Variants in AMER1 observed in about 807,000 individuals in gnomAD.
AMER1 encodes RP11-403E24.2.
A neutral mutation model predicts 53.0 loss-of-function variants in AMER1; 16 were observed. That is an observed-to-expected ratio of 0.30 (90% CI 0.20 to 0.46). AMER1 has a LOEUF of 0.46. Among genes scored for constraint, AMER1 ranks in the 20% least tolerant of loss-of-function variants. AMER1 has a pLI of 1.00. For synonymous variants in AMER1, 354 were observed against 331.9 expected, an observed-to-expected ratio of 1.07 and a Z score of -0.73; for missense variants, 947 against 884.9, an observed-to-expected ratio of 1.07 and a Z score of -0.89.
chrX:64,191,147 GATC>G lies in AMER1; in HGVS notation c.2137_2139del (p.Asp713del). The G allele has an allele frequency of 8.2e-7, 1 of 1,212,200 alleles. No homozygotes were observed. The highest frequency in any genetic ancestry group is 1.1e-6 in the Non-Finnish European group (1 of 895,664). On this transcript the variant is annotated inframe_deletion, in exon 2 of 2. Transcript: ENST00000374869. ...AAGAGCTGCATCAGGCAGGTACTTT[GATC>G]TTTCTTGGAGCAGGTTCCTTCATAA...
At chrX:64,201,987 C>T (rs1454256492) in intron 1 of AMER1, among the ~76,000 whole-genome samples, 1 of 111,860 alleles carries the variant, frequency 8.9e-6, no homozygotes, top group African/African-American at 3.3e-5. Flanking sequence ...CAGGTGCAAA[C>T]CACCACACCT....
In AMER1 at chrX:64,187,574, T is replaced by C. The variant is rs1930134988; in HGVS notation, c.*2305A>G. On this transcript the variant is annotated 3_prime_UTR_variant, in exon 2 of 2. Transcript: ENST00000374869. ...TCTTCCCAGATAGGCTGGTGGCCCT[T>C]CTCCAGCAGGGTCTGGAGGCTGGTG... 6.4e-6 allele frequency: 5 copies of C among 776,228 alleles called. No homozygotes were observed. The highest frequency in any genetic ancestry group is 7.7e-6 in the Non-Finnish European group (5 of 652,585). 64.0% of individuals were successfully genotyped at this position (776,228 alleles called of 1,213,427 possible).
rs954724465 is a variant in AMER1 at position 64,188,034 on chromosome X, G to A, written c.*1845C>T. On this transcript the variant is annotated 3_prime_UTR_variant, in exon 2 of 2. Transcript: ENST00000374869. ...CTGCTATTTGTGAGTAAGGGCACTG[G>A]GCCAACCCCAATCTGAGAAATGGTG... is the stretch of plus-strand genomic sequence containing the variant. 4 of 780,442 alleles carry A rather than the reference G, an allele frequency of 5.1e-6. No homozygotes were observed. Among genetic ancestry groups the A allele is most frequent in the Non-Finnish European group, 6.1e-6 (4 of 655,768 alleles). The allele number at this position is 780,442 out of a possible 1,213,427, so 64.3% of individuals were successfully genotyped here. A position where few individuals can be genotyped will look rare whatever the true frequency, so the allele number is the denominator to read the frequency against.
Position 64,186,750 on chromosome X carries a change from T to G in AMER1, c.*3129A>C, listed in dbSNP as rs1384612275. On this transcript the variant is annotated 3_prime_UTR_variant, in exon 2 of 2. Transcript: ENST00000374869. Reference sequence around the variant, plus strand: ...CTGAGGCCAGATAGGTAGGGCTGGCTTGAACTGGGCCCCAAGGCAGTGCTT... The same window carrying G: ...CTGAGGCCAGATAGGTAGGGCTGGCGTGAACTGGGCCCCAAGGCAGTGCTT... The G allele has an allele frequency of 1.3e-6, 1 of 773,701 alleles. No homozygotes were observed. The highest frequency in any genetic ancestry group is 2.3e-5 in the African/African-American group (1 of 43,850). The allele number at this position is 773,701 out of a possible 1,213,427, so 63.8% of individuals were successfully genotyped here. A position where few individuals can be genotyped will look rare whatever the true frequency, so the allele number is the denominator to read the frequency against.
Position 64,192,525 on chromosome X carries a change from G to A in AMER1, c.762C>T (p.Ala254=), listed in dbSNP as rs1441292406. The A allele has an allele frequency of 3.3e-6, 4 of 1,205,236 alleles. No homozygotes were observed. In the South Asian group the frequency reaches 7.2e-5, roughly 22 times the overall value. ...EPSPPATEKM[A]CKDPEKPMEA... ...CCATGGGTTTTTCTGGATCTTTACA[G>A]GCCATTTTCTCAGTAGCTGGTGGAG... Residue 254 remains alanine (A), a synonymous_variant, in exon 2 of 2, where the codon GCC becomes GCT. Transcript: ENST00000374869.
intron 1 of AMER1, among the ~76,000 whole-genome samples, chrX:64,204,405 T>C (rs1228166612): frequency 1.8e-5 from 2 of 113,972 alleles, no homozygotes; most frequent in Admixed American, 1.8e-4. Context: ...GCCTAGGCGC[T>C]TGGGCTGTGA....
At position 64,186,163 on chromosome X, in the gene AMER1, C is replaced by T. The variant is rs1930102553; in HGVS notation, c.*3716G>A. 3 of 1,208,179 alleles carry T rather than the reference C, an allele frequency of 2.5e-6. No individual in the cohort carries two copies. Among genetic ancestry groups the T allele is most frequent in the Middle Eastern group, 2.3e-4 (1 of 4,372 alleles). On this transcript the variant is annotated 3_prime_UTR_variant, in exon 2 of 2. Coordinates refer to ENST00000374869, the MANE Select transcript of AMER1 (RefSeq NM_152424.4). The stretch of plus-strand genomic sequence containing the variant: ...AGTCACTTGGCGTTTGTCTTCAGTA[C>T]CTGGGCATCTTCTGCTGTCCCTATC...
At position 64,190,274 on chromosome X, in the gene AMER1, G is replaced by T. The variant is rs1163517592; in HGVS notation, c.3013C>A (p.Leu1005Ile). 8.3e-7 allele frequency: 1 copy of T among 1,211,991 alleles called. No individual in the cohort carries two copies. The highest frequency in any genetic ancestry group is 1.7e-5 in the African/African-American group (1 of 57,901). ...CIPPMTMSISLSVPESRAPGE... is the reference protein window; with the variant it reads ...CIPPMTMSISISVPESRAPGE... Reference sequence around the variant, plus strand: ...GGTGCCCTTGACTCTGGCACTGATAGTGATATTGACATGGTCATAGGAGGT... The same window carrying T: ...GGTGCCCTTGACTCTGGCACTGATATTGATATTGACATGGTCATAGGAGGT... The change falls in exon 2 of 2, where the codon CTA (leucine) becomes ATA (isoleucine). Residue 1005 changes from leucine to isoleucine, a missense_variant. Transcript: ENST00000374869.
At chrX:64,196,909 C>A (rs759639183) in intron 1 of AMER1, among the ~76,000 whole-genome samples, 10 of 112,445 alleles carry the variant, frequency 8.9e-5, no homozygotes, top group African/African-American at 3.2e-4. Flanking sequence ...TGGTAGCTCC[C>A]TAGCGTAGCC....
rs1313482472 is a variant in AMER1 at position 64,190,192 on chromosome X, G to T, written c.3095C>A (p.Pro1032His). The T allele has an allele frequency of 2.5e-6, 3 of 1,208,096 alleles. No individual in the cohort carries two copies. The highest frequency in any genetic ancestry group is 3.0e-5 in the East Asian group (1 of 33,708). Reference sequence around the variant, plus strand: ...GGCCTGTGGCTGGAGGTTATAGCAAGGGCCCATGGGCAGGTGTAGGTGTGA... The same window carrying T: ...GGCCTGTGGCTGGAGGTTATAGCAATGGCCCATGGGCAGGTGTAGGTGTGA... ...RPSHLHLPMGPCYNLQPQASQ... is the reference protein window; with the variant it reads ...RPSHLHLPMGHCYNLQPQASQ... Residue 1032 changes from proline (P) to histidine (H), a missense_variant, in exon 2 of 2, where the codon CCT becomes CAT. Transcript: ENST00000374869.
intron 1 of AMER1, among the ~76,000 whole-genome samples, chrX:64,198,648 C>A (rs183565210): frequency 1.8e-5 from 2 of 111,762 alleles, no homozygotes; most frequent in African/African-American, 6.5e-5. Flanking sequence ...CTGTCCCAGC[C>A]CTGCTAAGCC....
chrX:64,191,582 A>T lies in AMER1; in HGVS notation c.1705T>A (p.Leu569Met), dbSNP rs779046656. 8.3e-7 allele frequency: 1 copy of T among 1,210,468 alleles called. No homozygotes were observed. The highest frequency in any genetic ancestry group is 1.7e-5 in the African/African-American group (1 of 57,306). ...TGCTCCCGCCGAAGCTCCCAATACA[A>T]CAACTGTTTCTGGATGGTCACTAGC... Reference protein sequence around the residue: ...ERLVTIQKQLLYWELRREQLE... With the variant: ...ERLVTIQKQLMYWELRREQLE... Residue 569 changes from leucine (L) to methionine (M), a missense_variant, in exon 2 of 2, where the codon TTG becomes ATG. Transcript: ENST00000374869.
At chrX:64,196,187 T>C (rs1199428688) in intron 1 of AMER1, among the ~76,000 whole-genome samples, 1 of 111,892 alleles carries the variant, frequency 8.9e-6, no homozygotes, top group African/African-American at 3.2e-5. Context: ...CTGCAGTGTG[T>C]TGTGGAAGGA....
At position 64,187,587 on chromosome X, in the gene AMER1, C is replaced by T; in HGVS notation, c.*2292G>A. 1.9e-5 allele frequency: 15 copies of T among 777,332 alleles called. No individual in the cohort carries two copies. Among genetic ancestry groups the T allele is most frequent in the Non-Finnish European group, 2.3e-5 (15 of 652,475 alleles). The allele number at this position is 777,332 out of a possible 1,213,427, so 64.1% of individuals were successfully genotyped here. On this transcript the variant is annotated 3_prime_UTR_variant, in exon 2 of 2. Transcript: ENST00000374869. ...GCTGGTGGCCCTTCTCCAGCAGGGT[C>T]TGGAGGCTGGTGATGGCTCTACCGC...
chrX:64,189,793 A>ACCGGGGCCCCCCCCCCCCCCC lies in AMER1; in HGVS notation c.*85_*86insGGGGGGGGGGGGGGGCCCCGG. The ACCGGGGCCCCCCCCCCCCCCC allele has an allele frequency of 1.0e-5, 3 of 292,074 alleles. No homozygotes were observed. The highest frequency in any genetic ancestry group is 9.8e-6 in the Non-Finnish European group (2 of 204,832). 24.1% of individuals were successfully genotyped at this position (292,074 alleles called of 1,213,427 possible). ...CAAAGGGTTTTCAAGTTAAACAACAACCCCCACCCCCCCACCCTTCTGCCC... is the reference window on the plus strand; with the variant it reads ...CAAAGGGTTTTCAAGTTAAACAACAACCGGGGCCCCCCCCCCCCCCCCCCCCACCCCCCCACCCTTCTGCCC... On this transcript the variant is annotated 3_prime_UTR_variant, in exon 2 of 2. Transcript: ENST00000374869.
At position 64,189,794 on chromosome X, in the gene AMER1, C is replaced by CCCG; in HGVS notation, c.*84_*85insCGG. On this transcript the variant is annotated 3_prime_UTR_variant, in exon 2 of 2. Transcript: ENST00000374869. ...AAAGGGTTTTCAAGTTAAACAACAA[C>CCCG]CCCCACCCCCCCACCCTTCTGCCCA... The CCCG allele has an allele frequency of 9.9e-6, 3 of 301,682 alleles. No homozygotes were observed. Among genetic ancestry groups the CCCG allele is most frequent in the East Asian group, 2.0e-4 (1 of 4,951 alleles). 24.9% of individuals were successfully genotyped at this position (301,682 alleles called of 1,213,427 possible).
Position 64,192,389 on chromosome X carries a change from G to C in AMER1, c.898C>G (p.Pro300Ala), listed in dbSNP as rs745954685. 8.3e-7 allele frequency: 1 copy of C among 1,211,108 alleles called. No individual in the cohort carries two copies. The highest frequency in any genetic ancestry group is 1.7e-5 in the African/African-American group (1 of 57,521). Residue 300 changes from proline (P) to alanine (A), a missense_variant, in exon 2 of 2, where the codon CCA becomes GCA. Transcript: ENST00000374869. The stretch of plus-strand genomic sequence containing the variant: ...GGGTCCCCCACAGGGCCATTGGGTG[G>C]GTTTACCTCTCCTGCTACTACCTTC... ...GEKVVAGEVN[P>A]PNGPVGDPLS...
Position 64,186,203 on chromosome X carries a change from C to CGGA in AMER1, c.*3673_*3675dup. The stretch of plus-strand genomic sequence containing the variant: ...CTGTCCCTATCATGGGGGGAGGGAA[C>CGGA]GGACAGTGTGGTACAGCTAAGGTAG... On this transcript the variant is annotated 3_prime_UTR_variant, in exon 2 of 2. Transcript: ENST00000374869. The CGGA allele has an allele frequency of 8.3e-7, 1 of 1,205,889 alleles. No homozygotes were observed. The highest frequency in any genetic ancestry group is 1.1e-6 in the Non-Finnish European group (1 of 892,084).
rs755894661 is a variant in AMER1 at position 64,191,464 on chromosome X, G to T, written c.1823C>A (p.Ala608Asp). The T allele has an allele frequency of 8.3e-7, 1 of 1,210,453 alleles. No individual in the cohort carries two copies. The highest frequency in any genetic ancestry group is 1.1e-6 in the Non-Finnish European group (1 of 895,227). ...AYTREAYGRE[A>D]YAREAHTWEA... ...CCAAGTGTGGGCCTCCCTGGCATAG[G>T]CTTCCCTGCCATAAGCCTCTCGAGT... Residue 608 changes from alanine to aspartate, a missense_variant, in exon 2 of 2, where the codon GCC becomes GAC. Physicochemically the swap from Ala to Asp is moderately radical, Grantham distance 126 (BLOSUM62 -2). Transcript: ENST00000374869.
Sources: gnomAD v4.1 joint callset for allele counts (sites outside exome capture counted in the v4.1 genomes callset) on GRCh38, gnomAD v4.1.1 for gene constraint, MANE v1.5 for transcripts, NCBI Gene and HGNC (gene_info 2026-07-23, HGNC 2026-07-21) for gene names.